The following CTNNA3 variants were observed in gnomAD, a reference collection of about 807,000 sequenced individuals.
The protein encoded by CTNNA3 is catenin alpha-3.
CTNNA3 carries 76 observed loss-of-function variants against 95.7 expected under a neutral mutation model. The ratio of observed to expected loss-of-function variants is 0.79; its 90% CI spans 0.66 to 0.96. The LOEUF (loss-of-function observed/expected upper bound fraction) is 0.96, where lower values mean the gene tolerates loss of function less well. Among genes scored for constraint, CTNNA3 ranks in the 40% least tolerant of loss-of-function variants. The pLI is 0.00. For missense variants in CTNNA3, 1,191 were observed against 1,089.8 expected (o/e 1.09, Z -1.31); for synonymous variants, 431 against 374.4 (o/e 1.15, Z -1.74).
chr10:67,285,996 T>TG (rs1839588281), intron 5 of CTNNA3, among the ~76,000 whole-genome samples: 1 of 152,204 alleles, frequency 6.6e-6, no homozygotes, highest in Non-Finnish European at 1.5e-5. Context: ...GTATTCCAGC[T>TG]GTTTGGGGCT....
chr10:65,980,202 C>G (rs557078613), intron 16 of CTNNA3, among the ~76,000 whole-genome samples: 1 of 151,896 alleles, frequency 6.6e-6, no homozygotes, highest in African/African-American at 2.4e-5. Flanking sequence ...AACACCTTTA[C>G]ATACATAAAC....
intron 7 of CTNNA3, among the ~76,000 whole-genome samples, chr10:67,073,504 T>C (rs753434958): frequency 5.9e-5 from 9 of 152,132 alleles, no homozygotes; most frequent in Non-Finnish European, 1.0e-4. Flanking sequence ...AACTCTCGTT[T>C]GTCAACATCC....
At chr10:66,737,953 G>A (rs577181803) in intron 9 of CTNNA3, among the ~76,000 whole-genome samples, 7 of 152,196 alleles carry the variant, frequency 4.6e-5, no homozygotes, top group South Asian at 4.2e-4. Context: ...CATCGCGCCC[G>A]GCCAAAATTT....
chr10:66,297,995 C>T (rs942287282), intron 12 of CTNNA3, among the ~76,000 whole-genome samples: 2 of 152,152 alleles, frequency 1.3e-5, no homozygotes, highest in African/African-American at 4.8e-5. Context: ...TGAATTTTCC[C>T]TATAACTAGA....
At chr10:66,710,340 T>C (rs368115947) in intron 9 of CTNNA3, among the ~76,000 whole-genome samples, 2 of 152,148 alleles carry the variant, frequency 1.3e-5, no homozygotes, top group Non-Finnish European at 2.9e-5. Flanking sequence ...TAATCATGAA[T>C]GAAATTTAAA....
intron 6 of CTNNA3, among the ~76,000 whole-genome samples, chr10:67,186,662 C>A (rs774670956): frequency 1.3e-5 from 2 of 152,156 alleles, no homozygotes; most frequent in Non-Finnish European, 2.9e-5. Flanking sequence ...TCTTCCGATG[C>A]ACAATAGCTA....
intron 3 of CTNNA3, among the ~76,000 whole-genome samples, chr10:67,561,897 G>C (rs1783167981): frequency 6.6e-6 from 1 of 152,236 alleles, no homozygotes; most frequent in Middle Eastern, 3.4e-3. Context: ...CAAAGAAATG[G>C]ATAAATTCCT....
intron 10 of CTNNA3, among the ~76,000 whole-genome samples, chr10:66,610,688 G>A (rs2132284511): frequency 6.6e-6 from 1 of 152,122 alleles, no homozygotes; most frequent in Non-Finnish European, 1.5e-5. Context: ...GGAATATAAA[G>A]TCATACGGTA....
intron 7 of CTNNA3, among the ~76,000 whole-genome samples, chr10:66,828,051 G>A (rs1842578571): frequency 6.6e-6 from 1 of 152,124 alleles, no homozygotes; most frequent in African/African-American, 2.4e-5. Flanking sequence ...CATCTGCAAA[G>A]CAAAAGCAAA....
intron 15 of CTNNA3, among the ~76,000 whole-genome samples, chr10:66,063,774 C>G (rs1400326475): frequency 2.0e-5 from 3 of 151,850 alleles, no homozygotes; most frequent in Non-Finnish European, 2.9e-5. Flanking sequence ...AACATTTATT[C>G]TATTTAATTC....
intron 15 of CTNNA3, among the ~76,000 whole-genome samples, chr10:66,044,312 A>G (rs1465875871): frequency 1.3e-5 from 2 of 152,224 alleles, no homozygotes; most frequent in Non-Finnish European, 2.9e-5. Flanking sequence ...ATCCAGAAAA[A>G]TCAAAAGCAA....
chr10:67,170,759 T>A (rs1306799444), intron 7 of CTNNA3, among the ~76,000 whole-genome samples: 1 of 152,072 alleles, frequency 6.6e-6, no homozygotes, highest in Non-Finnish European at 1.5e-5. Context: ...CATGTACCCC[T>A]GTATCTAAAA....
At chr10:67,691,411 G>A (rs987013081) in intron 1 of CTNNA3, among the ~76,000 whole-genome samples, 23 of 151,456 alleles carry the variant, frequency 1.5e-4, no homozygotes, top group Admixed American at 3.3e-4. Flanking sequence ...AGTGAGGAGC[G>A]TCTCTGCCTG....
intron 11 of CTNNA3, among the ~76,000 whole-genome samples, chr10:66,519,516 A>G (rs1840982520): frequency 6.6e-6 from 1 of 152,194 alleles, no homozygotes; most frequent in Admixed American, 6.6e-5. Flanking sequence ...CCTGCCTCCC[A>G]TTCTATTCAA....
intron 11 of CTNNA3, among the ~76,000 whole-genome samples, chr10:66,400,183 T>G (rs2093009511): frequency 6.6e-6 from 1 of 151,714 alleles, no homozygotes; most frequent in Non-Finnish European, 1.5e-5. Context: ...AAAGAAAATA[T>G]AAAAAATAGA....
At chr10:67,005,644 C>CAAAAGCAA (rs1447423493) in intron 7 of CTNNA3, among the ~76,000 whole-genome samples, 1 of 134,408 alleles carries the variant, frequency 7.4e-6, no homozygotes, top group Non-Finnish European at 1.6e-5. Context: ...ATGTAACAAG[C>CAAAAGCAA]AAAAGCAAAA....
intron 12 of CTNNA3, among the ~76,000 whole-genome samples, chr10:66,331,385 G>C (rs1226662241): frequency 2.4e-5 from 2 of 81,886 alleles, no homozygotes; most frequent in African/African-American, 1.2e-4. Flanking sequence ...ACGGAGTTTT[G>C]CTCTGTCGCC....
intron 11 of CTNNA3, among the ~76,000 whole-genome samples, chr10:66,507,020 C>T (rs899387055): frequency 1.1e-4 from 17 of 152,146 alleles, no homozygotes; most frequent in African/African-American, 3.9e-4. Flanking sequence ...TTAATTTTAA[C>T]ATTTTGCTCT....
chr10:66,546,631 T>C (rs1426779887), intron 10 of CTNNA3, among the ~76,000 whole-genome samples: 1 of 152,078 alleles, frequency 6.6e-6, no homozygotes, highest in African/African-American at 2.4e-5. Context: ...AGGCGGTAGA[T>C]GTGAGTAAGT....
Sources: gnomAD v4.1 joint callset for allele counts (sites outside exome capture counted in the v4.1 genomes callset) on GRCh38, gnomAD v4.1.1 for gene constraint, MANE v1.5 for transcripts, NCBI Gene and HGNC (gene_info 2026-07-23, HGNC 2026-07-21) for gene names.